SPAG16: variants seen among roughly 807,000 people sequenced by gnomAD.
SPAG16 encodes sperm-associated antigen 16 protein.
A neutral mutation model predicts 80.4 loss-of-function variants in SPAG16; 86 were observed. The observed-to-expected ratio is 1.07, with a 90% confidence interval of 0.90 to 1.28. The LOEUF (loss-of-function observed/expected upper bound fraction) is 1.28. SPAG16 is among the 50% of genes most tolerant of loss of function. The pLI, the probability that SPAG16 is intolerant of heterozygous loss-of-function variation, is 0.00. For synonymous variants in SPAG16, 294 were observed against 265.9 expected (o/e 1.11, Z -1.03); for missense variants, 870 against 765.3 (o/e 1.14, Z -1.61).
At chr2:213,577,633 A>G (rs1015813362) in intron 10 of SPAG16, among the ~76,000 whole-genome samples, 1 of 152,172 alleles carries the variant, frequency 6.6e-6, no homozygotes, top group African/African-American at 2.4e-5. Flanking sequence ...GACAATAATT[A>G]TGTTTTTGCT....
At chr2:213,447,546 A>G (rs2071405792) in intron 9 of SPAG16, among the ~76,000 whole-genome samples, 1 of 152,136 alleles carries the variant, frequency 6.6e-6, no homozygotes, top group Admixed American at 6.6e-5. Context: ...CAATCCAGGT[A>G]TGCCCCCTAC....
chr2:213,484,402 A>G (rs1415058674), intron 9 of SPAG16, among the ~76,000 whole-genome samples: 2 of 152,338 alleles, frequency 1.3e-5, no homozygotes, highest in East Asian at 1.9e-4. Flanking sequence ...GTGAATGTCA[A>G]TTAGCTCAAT....
At chr2:213,923,388 GC>G (rs1196078937) in intron 11 of SPAG16, among the ~76,000 whole-genome samples, 1 of 152,212 alleles carries the variant, frequency 6.6e-6, no homozygotes, top group African/African-American at 2.4e-5. Flanking sequence ...ACAGAAAGCT[GC>G]CCCCTCTAGA....
chr2:214,172,051 C>T (rs761351601), intron 15 of SPAG16, among the ~76,000 whole-genome samples: 2 of 151,632 alleles, frequency 1.3e-5, no homozygotes, highest in Non-Finnish European at 2.9e-5. Flanking sequence ...TCTCATGTTA[C>T]ACATTAGATC....
At chr2:213,712,856 G>A (rs1050042852) in intron 10 of SPAG16, among the ~76,000 whole-genome samples, 2 of 152,096 alleles carry the variant, frequency 1.3e-5, no homozygotes, top group Non-Finnish European at 2.9e-5. Flanking sequence ...CTGCTTACCT[G>A]GTGGCAGGGC....
At chr2:214,172,856 G>A (rs1403463110) in intron 15 of SPAG16, among the ~76,000 whole-genome samples, 1 of 152,100 alleles carries the variant, frequency 6.6e-6, no homozygotes, top group Non-Finnish European at 1.5e-5. Flanking sequence ...GGCCAGTGAT[G>A]GTGAACATTT....
chr2:213,682,722 G>T (rs2064458472), intron 10 of SPAG16, among the ~76,000 whole-genome samples: 1 of 152,124 alleles, frequency 6.6e-6, no homozygotes, highest in Non-Finnish European at 1.5e-5. Context: ...CATGTTTCTG[G>T]TTGGATGGAG....
At chr2:214,013,379 A>G (rs2047415994) in intron 12 of SPAG16, among the ~76,000 whole-genome samples, 1 of 152,048 alleles carries the variant, frequency 6.6e-6, no homozygotes, top group Admixed American at 6.6e-5. Context: ...TTTGTAATAT[A>G]CAATATTTTA....
intron 10 of SPAG16, among the ~76,000 whole-genome samples, chr2:213,621,584 A>G (rs1406679741): frequency 6.6e-6 from 1 of 152,154 alleles, no homozygotes; most frequent in Non-Finnish European, 1.5e-5. Context: ...ATAGAAATGT[A>G]CCTGGAGACA....
intron 10 of SPAG16, among the ~76,000 whole-genome samples, chr2:213,777,789 G>A (rs568611488): frequency 6.6e-6 from 1 of 152,130 alleles, no homozygotes; most frequent in African/African-American, 2.4e-5. Context: ...TGCCTGCCTC[G>A]GCCTCTCAAA....
chr2:213,931,916 A>C (rs2078765988), intron 12 of SPAG16, among the ~76,000 whole-genome samples: 1 of 152,004 alleles, frequency 6.6e-6, no homozygotes, highest in Admixed American at 6.6e-5. Flanking sequence ...GATTGTTTCT[A>C]TAGTGGCTAT....
chr2:213,410,063 G>A (rs182166021), intron 9 of SPAG16, among the ~76,000 whole-genome samples: 3 of 151,922 alleles, frequency 2.0e-5, no homozygotes. Context: ...GCTAACCACC[G>A]AGACTGCTGT....
chr2:213,987,177 GTTCA>G (rs1382304659), intron 12 of SPAG16, among the ~76,000 whole-genome samples: 1 of 151,966 alleles, frequency 6.6e-6, no homozygotes, highest in East Asian at 1.9e-4. Context: ...ACATGTATTT[GTTCA>G]TTCATTCAGT....
At chr2:213,343,501 A>G (rs1193080466) in intron 6 of SPAG16, among the ~76,000 whole-genome samples, 1 of 152,192 alleles carries the variant, frequency 6.6e-6, no homozygotes, top group Non-Finnish European at 1.5e-5. Context: ...AGATATATCT[A>G]GAAGCAGGAA....
In SPAG16 at chr2:213,833,556, TAATATATATA is replaced by T. The variant is rs2073897481; in HGVS notation, c.1071-28927_1071-28918del. Reference sequence around the variant, plus strand: ...TTATATATAATATATATAATATATATAATATATATAATATATATATAATATATATATTATA... The same window carrying T: ...TTATATATAATATATATAATATATATATATATATATAATATATATATTATA... On this transcript the variant is annotated intron_variant, in intron 10 of 15. Coordinates refer to ENST00000331683, the MANE Select transcript of SPAG16 (RefSeq NM_024532.5). 1.0e-3 allele frequency among the ~76,000 whole-genome samples: 6 copies of T among 5,794 alleles called. 1 individual carries two copies. Among genetic ancestry groups the T allele is most frequent in the Admixed American group, 9.6e-3 (2 of 208 alleles). 3.8% of individuals were successfully genotyped at this position (5,794 alleles called of 152,430 possible).
intron 9 of SPAG16, among the ~76,000 whole-genome samples, chr2:213,467,536 C>T (rs944858041): frequency 6.6e-6 from 1 of 152,120 alleles, no homozygotes; most frequent in African/African-American, 2.4e-5. Context: ...TTGAGATGCC[C>T]CTCATAGGCA....
At chr2:213,912,705 A>C (rs910953187) in intron 11 of SPAG16, among the ~76,000 whole-genome samples, 2 of 152,156 alleles carry the variant, frequency 1.3e-5, no homozygotes, top group African/African-American at 4.8e-5. Flanking sequence ...CTGTGCCTTC[A>C]GACTCAGCCC....
intron 10 of SPAG16, among the ~76,000 whole-genome samples, chr2:213,793,180 G>C (rs1042184253): frequency 6.6e-6 from 1 of 151,470 alleles, no homozygotes; most frequent in Admixed American, 6.6e-5. Flanking sequence ...CACCCGCCTC[G>C]GCCTCTCAAA....
At chr2:213,324,903 G>A (rs1178492325) in intron 5 of SPAG16, among the ~76,000 whole-genome samples, 1 of 152,054 alleles carries the variant, frequency 6.6e-6, no homozygotes, top group Admixed American at 6.6e-5. Flanking sequence ...CTAACATTGA[G>A]TGTTGTTAGT....
Sources: allele counts gnomAD v4.1 joint callset (sites outside exome capture counted in the v4.1 genomes callset), GRCh38; gene constraint gnomAD v4.1.1; transcripts MANE v1.5; gene names NCBI Gene and HGNC (gene_info 2026-07-23, HGNC 2026-07-21).